The following CDC42BPA variants were observed in gnomAD, a reference collection of about 807,000 sequenced individuals.
The protein encoded by CDC42BPA is CDC42 binding protein kinase alpha, also known as serine/threonine-protein kinase MRCK alpha.
A neutral mutation model predicts 223.5 loss-of-function variants in CDC42BPA; 80 were observed. The ratio of observed to expected loss-of-function variants is 0.36; its 90% CI spans 0.30 to 0.43. The LOEUF (loss-of-function observed/expected upper bound fraction) is 0.43, where lower values mean the gene tolerates loss of function less well. CDC42BPA is among the 20% of genes least tolerant of loss of function. The pLI is 1.00. For missense variants in CDC42BPA, 1,743 were observed against 2,099.9 expected (o/e 0.83, Z 3.32); for synonymous variants, 694 against 718.6 (o/e 0.97, Z 0.55).
chr1:227,278,981 C>G (rs141005257), intron 1 of CDC42BPA, among the ~76,000 whole-genome samples: 1 of 150,286 alleles, frequency 6.7e-6, no homozygotes, highest in East Asian at 1.9e-4. Context: ...ACCATTCAGA[C>G]TTAACTGGGC....
chr1:227,203,291 G>C (rs1292301401), intron 3 of CDC42BPA, among the ~76,000 whole-genome samples: 1 of 152,112 alleles, frequency 6.6e-6, no homozygotes, highest in African/African-American at 2.4e-5. Flanking sequence ...TCAGTTGCTT[G>C]TCACAATTGG....
At chr1:227,151,577 T>A (rs557408360) in intron 6 of CDC42BPA, among the ~76,000 whole-genome samples, 36 of 152,154 alleles carry the variant, frequency 2.4e-4, no homozygotes, top group Non-Finnish European at 4.1e-4. Context: ...TATTTTACAT[T>A]CCCACCAACA....
At chr1:227,141,974 T>TA (rs577135005) in intron 9 of CDC42BPA, among the ~76,000 whole-genome samples, 1,654 of 150,710 alleles carry the variant, frequency 0.011, 18 homozygotes, top group Non-Finnish European at 0.018. Flanking sequence ...CCCCATCTCT[T>TA]AAAAAAAAAG....
At chr1:227,004,924 C>T (rs769698411) in intron 35 of CDC42BPA, 70 bp downstream of exon 35, 24 of 1,016,496 alleles carry the variant, frequency 2.4e-5, no homozygotes, top group South Asian at 1.9e-4. Context: ...ATGTCACCCA[C>T]GGGACAGGAG....
chr1:227,208,149 C>T (rs1673157667), intron 3 of CDC42BPA, among the ~76,000 whole-genome samples: 1 of 146,170 alleles, frequency 6.8e-6, no homozygotes, highest in Non-Finnish European at 1.5e-5. Flanking sequence ...TGTTTTTTGG[C>T]TGCATAAATG....
chr1:227,117,994 G>A (rs1225280935), intron 12 of CDC42BPA, among the ~76,000 whole-genome samples: 1 of 151,924 alleles, frequency 6.6e-6, no homozygotes, highest in African/African-American at 2.4e-5. Context: ...AAATGTAAAC[G>A]ACAATAGACC....
Position 227,074,212 on chromosome 1 carries a change from C to A in CDC42BPA, c.2586+47G>T, listed in dbSNP as rs1679003302. The A allele has an allele frequency of 4.1e-6, 6 of 1,463,424 alleles. No individual in the cohort carries two copies. The East Asian group carries it at 1.1e-4, about 28-fold the overall frequency. The allele number at this position is 1,463,424 out of a possible 1,614,324, so 90.7% of individuals were successfully genotyped here. On this transcript the variant is annotated intron_variant, in intron 18 of 36. Coordinates refer to ENST00000366766, the MANE Select transcript of CDC42BPA (RefSeq NM_001394014.1). ...ATTTATTATAGTGTTTTTTAAATCT[C>A]TTTTTTCTAATATGATAAGCCTCCA...
At position 227,317,095 on chromosome 1, in the gene CDC42BPA, T is replaced by C. The variant is rs373906220; in HGVS notation, c.88A>G (p.Thr30Ala). 1.9e-6 allele frequency: 3 copies of C among 1,614,050 alleles called. No homozygotes were observed. The highest frequency in any genetic ancestry group is 4.5e-5 in the East Asian group (2 of 44,876). Residue 30 changes from threonine to alanine, a missense_variant, in exon 1 of 37, where the codon ACA (threonine) becomes GCA (alanine). Thr to Ala is a moderately conservative substitution (Grantham distance 58, BLOSUM62 0). Coordinates refer to ENST00000366766, the MANE Select transcript of CDC42BPA (RefSeq NM_001394014.1). ...QTNGQCFSVE[T>A]LLDILICLYD... ...AGGCAGATGAGTATATCCAGTAATG[T>C]CTCCACACTGAAGCACTGCCCATTG...
At chr1:227,191,336 ACT>A (rs1207427899) in intron 5 of CDC42BPA, among the ~76,000 whole-genome samples, 1 of 151,144 alleles carries the variant, frequency 6.6e-6, no homozygotes, top group Non-Finnish European at 1.5e-5. Flanking sequence ...CAAGAGCAAA[ACT>A]CTGTCTCAAA....
At chr1:227,230,820 C>CTTTTTT (rs1198828997) in intron 2 of CDC42BPA, among the ~76,000 whole-genome samples, 4 of 91,600 alleles carry the variant, frequency 4.4e-5, no homozygotes, top group African/African-American at 1.3e-4. Context: ...TTCTTTCTTT[C>CTTTTTT]TTTTTTTTTT....
At chr1:227,236,673 G>C (rs1419698137) in intron 2 of CDC42BPA, among the ~76,000 whole-genome samples, 1 of 151,984 alleles carries the variant, frequency 6.6e-6, no homozygotes, top group Non-Finnish European at 1.5e-5. Flanking sequence ...TCAAGAAATA[G>C]AACATGCAAT....
intron 17 of CDC42BPA, among the ~76,000 whole-genome samples, chr1:227,075,892 A>C (rs1679370351): frequency 6.6e-6 from 1 of 152,164 alleles, no homozygotes; most frequent in South Asian, 2.1e-4. Flanking sequence ...CAATGTGTTT[A>C]ATTAACTTTG....
chr1:227,283,530 T>A (rs1688332428), intron 1 of CDC42BPA, among the ~76,000 whole-genome samples: 2 of 152,124 alleles, frequency 1.3e-5, no homozygotes, highest in Admixed American at 1.3e-4. Flanking sequence ...ATGCTATAAT[T>A]ATATTTATTT....
chr1:227,252,104 C>T lies in CDC42BPA; in HGVS notation c.270+1960G>A, dbSNP rs557627879. Among the ~76,000 whole-genome samples the T allele has an allele frequency of 1.7e-3, 258 of 151,864 alleles. 3 individuals carry two copies. The highest frequency in any genetic ancestry group is 5.4e-3 in the African/African-American group (224 of 41,462). ...TGAAAAGAAGGGCTAGATATCAATG[C>T]TATTTTGAAAAATCAGAAAAAGAAT... On this transcript the variant is annotated intron_variant, in intron 2 of 36. Coordinates refer to ENST00000366766, the MANE Select transcript of CDC42BPA (RefSeq NM_001394014.1).
chr1:226,993,376 G>A lies in CDC42BPA; in HGVS notation c.*892C>T, dbSNP rs1349665341. 6.6e-6 allele frequency: 1 copy of A among 152,234 alleles called. No individual in the cohort carries two copies. Among genetic ancestry groups the A allele is most frequent in the Admixed American group, 6.5e-5 (1 of 15,286 alleles). The allele number at this position is 152,234 out of a possible 1,614,324, so 9.4% of individuals were successfully genotyped here. On this transcript the variant is annotated 3_prime_UTR_variant, in exon 37 of 37. Coordinates refer to ENST00000366766, the MANE Select transcript of CDC42BPA (RefSeq NM_001394014.1). ...TAGGAAAAGAAACATCTTGGGTAGA[G>A]ATGAGTTCGCCTTTTGCTGCTGCTG... is the stretch of plus-strand genomic sequence containing the variant.
rs755123321 is a variant in CDC42BPA, at chr1:227,141,405, G to T, written c.1223+1540C>A. ...TCTGATGATGCAGATGACACAAGAA[G>T]AAAAAAATTCATGACATGAAAGCAA... On this transcript the variant is annotated intron_variant, in intron 9 of 36. Transcript: ENST00000366766. 9.2e-5 allele frequency among the ~76,000 whole-genome samples: 14 copies of T among 152,166 alleles called. 1 individual carries two copies. Among genetic ancestry groups the T allele is most frequent in the South Asian group, 4.2e-4 (2 of 4,816 alleles).
At chr1:227,272,962 T>A (rs1194614836) in intron 1 of CDC42BPA, among the ~76,000 whole-genome samples, 1 of 152,202 alleles carries the variant, frequency 6.6e-6, no homozygotes, top group Non-Finnish European at 1.5e-5. Flanking sequence ...TCAAACGTAT[T>A]GGCAAGATAA....
intron 24 of CDC42BPA, 79 bp downstream of exon 24, chr1:227,040,052 T>C: frequency 1.1e-6 from 1 of 894,734 alleles, no homozygotes. Context: ...CAAACATTTA[T>C]ACACCTTTGA....
Position 227,131,151 on chromosome 1 carries a change from T to C in CDC42BPA, c.1391-1920A>G, listed in dbSNP as rs114686160. On this transcript the variant is annotated intron_variant, in intron 10 of 36. Transcript: ENST00000366766. ...ATTCTTAGTAACTTTAACATCAAAA[T>C]AGATAATCCATCTAACACTGACTTC... Among the ~76,000 whole-genome samples, 362 of 151,234 alleles carry C rather than the reference T, an allele frequency of 2.4e-3. 2 individuals carry two copies. The highest frequency in any genetic ancestry group is 8.1e-3 in the African/African-American group (334 of 41,298).
Sources: gnomAD v4.1 joint callset for allele counts (sites outside exome capture counted in the v4.1 genomes callset) on GRCh38, gnomAD v4.1.1 for gene constraint, MANE v1.5 for transcripts, NCBI Gene and HGNC (gene_info 2026-07-23, HGNC 2026-07-21) for gene names.